The following NALF1 variants were observed in gnomAD, a reference collection of about 807,000 sequenced individuals.
The protein encoded by NALF1 is family with sequence similarity 155 member A.
In NALF1, 3 loss-of-function variants were observed where a neutral mutation model predicts 48.4. The observed-to-expected ratio is 0.06, with a 90% confidence interval of 0.03 to 0.16. NALF1 has a LOEUF of 0.16. Ranked by LOEUF, NALF1 falls within the 10% of genes least tolerant of loss-of-function variation. The pLI, the probability that NALF1 is intolerant of heterozygous loss-of-function variation, is 1.00. For missense variants in NALF1, 526 were observed against 571.5 expected (o/e 0.92, Z 0.81); for synonymous variants, 262 against 245.7 (o/e 1.07, Z -0.62).
chr13:107,278,319 C>T (rs12586090), intron 1 of NALF1, among the ~76,000 whole-genome samples: 6,957 of 152,240 alleles, frequency 0.046, 215 homozygotes, highest in South Asian at 0.064. Context: ...CCAAATTAGA[C>T]TTTTTAAAAA....
At chr13:107,478,891 T>C (rs2139058958) in intron 1 of NALF1, among the ~76,000 whole-genome samples, 1 of 152,230 alleles carries the variant, frequency 6.6e-6, no homozygotes, top group South Asian at 2.1e-4. Flanking sequence ...ATGTGGAATG[T>C]TTAGAAAGAA....
intron 1 of NALF1, among the ~76,000 whole-genome samples, chr13:107,628,361 A>G (rs917720840): frequency 1.3e-5 from 2 of 152,152 alleles, no homozygotes; most frequent in African/African-American, 2.4e-5. Flanking sequence ...AATGGACACT[A>G]TATATCCCAG....
At position 107,169,576 on chromosome 13, in the gene NALF1, A is replaced by G. The variant is rs1307985744; in HGVS notation, c.*921T>C. The G allele has an allele frequency of 2.0e-5, 3 of 152,246 alleles. No homozygotes were observed. The highest frequency in any genetic ancestry group is 4.4e-5 in the Non-Finnish European group (3 of 68,036). 9.4% of individuals were successfully genotyped at this position (152,246 alleles called of 1,614,324 possible). Reference sequence around the variant, plus strand: ...ATAGCTGCTCCTGTCCAACTGGACCAGCAAGAAAGGGCTGGGCCACTTGGG... The same window carrying G: ...ATAGCTGCTCCTGTCCAACTGGACCGGCAAGAAAGGGCTGGGCCACTTGGG... On this transcript the variant is annotated 3_prime_UTR_variant, in exon 3 of 3. Transcript: ENST00000375915.
At chr13:107,456,239 G>A (rs1566350009) in intron 1 of NALF1, among the ~76,000 whole-genome samples, 1 of 152,150 alleles carries the variant, frequency 6.6e-6, no homozygotes, top group Non-Finnish European at 1.5e-5. Flanking sequence ...TTAATTCAGA[G>A]CTAGAACACA....
chr13:107,675,289 C>G (rs1881086118), intron 1 of NALF1, among the ~76,000 whole-genome samples: 1 of 152,126 alleles, frequency 6.6e-6, no homozygotes, highest in African/African-American at 2.4e-5. Context: ...GGGCTATAGG[C>G]TCTGGGGCTG....
chr13:107,681,136 C>G (rs1881291218), intron 1 of NALF1, among the ~76,000 whole-genome samples: 2 of 152,078 alleles, frequency 1.3e-5, no homozygotes, highest in South Asian at 4.1e-4. Context: ...CCCTATGTTA[C>G]AGGGCAAAAT....
In NALF1 at chr13:107,836,583, A is replaced by C. The variant is rs114392969; in HGVS notation, c.915+29099T>G. Reference sequence around the variant, plus strand: ...AAAAAAATAAAATTTAATTAGGAAAATGGAAATATTTTGTAACACAAGGAA... The same window carrying C: ...AAAAAAATAAAATTTAATTAGGAAACTGGAAATATTTTGTAACACAAGGAA... On this transcript the variant is annotated intron_variant, in intron 1 of 2. Coordinates refer to ENST00000375915, the MANE Select transcript of NALF1 (RefSeq NM_001080396.3). 4.2e-3 allele frequency among the ~76,000 whole-genome samples: 641 copies of C among 152,266 alleles called. 5 individuals carry two copies. The highest frequency in any genetic ancestry group is 0.015 in the African/African-American group (612 of 41,560).
At chr13:107,818,263 C>G (rs1043074819) in intron 1 of NALF1, among the ~76,000 whole-genome samples, 30 of 152,146 alleles carry the variant, frequency 2.0e-4, no homozygotes, top group African/African-American at 7.0e-4. Context: ...TGCCCACCTG[C>G]TGCTCTTCCT....
chr13:107,601,196 C>G (rs1476985272), intron 1 of NALF1, among the ~76,000 whole-genome samples: 3 of 152,202 alleles, frequency 2.0e-5, no homozygotes, highest in Middle Eastern at 3.4e-3. Context: ...TTGAAGAAAC[C>G]CACAAGGAGT....
At chr13:107,810,267 T>C (rs1055411380) in intron 1 of NALF1, among the ~76,000 whole-genome samples, 1 of 152,138 alleles carries the variant, frequency 6.6e-6, no homozygotes, top group Non-Finnish European at 1.5e-5. Flanking sequence ...TAAACAGTCA[T>C]GTAATTGCCA....
intron 1 of NALF1, among the ~76,000 whole-genome samples, chr13:107,676,142 C>G (rs1034620294): frequency 3.9e-5 from 6 of 152,192 alleles, no homozygotes; most frequent in African/African-American, 1.4e-4. Context: ...CTACTTATTC[C>G]TTCCTTCCCT....
chr13:107,289,753 T>A (rs1211630262), intron 1 of NALF1, among the ~76,000 whole-genome samples: 3 of 152,190 alleles, frequency 2.0e-5, no homozygotes, highest in African/African-American at 7.2e-5. Flanking sequence ...ATTTCCTGGA[T>A]GAATTCATCA....
chr13:107,731,573 G>A (rs1006345621), intron 1 of NALF1, among the ~76,000 whole-genome samples: 66 of 151,990 alleles, frequency 4.3e-4, no homozygotes, highest in Non-Finnish European at 1.2e-4. Context: ...CCTCAAGTAG[G>A]TCCCACTGTG....
chr13:107,705,408 G>A (rs896977763), intron 1 of NALF1, among the ~76,000 whole-genome samples: 4 of 152,128 alleles, frequency 2.6e-5, no homozygotes, highest in Non-Finnish European at 4.4e-5. Context: ...GTGAGACAGC[G>A]TGCACACAGA....
intron 1 of NALF1, among the ~76,000 whole-genome samples, chr13:107,563,726 A>G (rs1877710970): frequency 6.6e-6 from 1 of 152,236 alleles, no homozygotes; most frequent in Non-Finnish European, 1.5e-5. Context: ...AGAAAACATT[A>G]CCATTCTGGT....
At position 107,507,594 on chromosome 13, in the gene NALF1, TAAAA is replaced by T. The variant is rs548709767; in HGVS notation, c.916-296843_916-296840del. Among the ~76,000 whole-genome samples, 156 of 86,406 alleles carry T rather than the reference TAAAA, an allele frequency of 1.8e-3. 1 individual carries two copies. Among genetic ancestry groups the T allele is most frequent in the African/African-American group, 7.9e-3 (141 of 17,884 alleles). The allele number at this position is 86,406 out of a possible 152,430, so 56.7% of individuals were successfully genotyped here. On this transcript the variant is annotated intron_variant, in intron 1 of 2. Coordinates refer to ENST00000375915, the MANE Select transcript of NALF1 (RefSeq NM_001080396.3). ...AGATGCCTAGATGTTTATTCTCCAT[TAAAA>T]AAAAAAAAAAAAAAAAAAAAAAAAG...
chr13:107,394,847 A>G (rs1241908801), intron 1 of NALF1, among the ~76,000 whole-genome samples: 3 of 152,266 alleles, frequency 2.0e-5, no homozygotes, highest in African/African-American at 7.2e-5. Context: ...GAGAAAAAAC[A>G]AAAACAAGGA....
rs1286480329 is a variant in NALF1 at position 107,819,181 on chromosome 13, T to G, written c.915+46501A>C. 2.3e-5 allele frequency among the ~76,000 whole-genome samples: 3 copies of G among 130,098 alleles called. No homozygotes were observed. In the East Asian group the frequency reaches 7.8e-4, roughly 34 times the overall value. The allele number at this position is 130,098 out of a possible 152,430, so 85.3% of individuals were successfully genotyped here. A position where few individuals can be genotyped will look rare whatever the true frequency, so the allele number is the denominator to read the frequency against. On this transcript the variant is annotated intron_variant, in intron 1 of 2. Transcript: ENST00000375915. Reference sequence around the variant, plus strand: ...AGATAGTAGGCTCTGAATAAATATCTACCAAATAAATAAATGATTTGTAAT... The same window carrying G: ...AGATAGTAGGCTCTGAATAAATATCGACCAAATAAATAAATGATTTGTAAT...
chr13:107,821,432 A>C (rs1170004747), intron 1 of NALF1, among the ~76,000 whole-genome samples: 1 of 152,202 alleles, frequency 6.6e-6, no homozygotes, highest in Non-Finnish European at 1.5e-5. Context: ...GAGGGCTCTA[A>C]GGCCATGTCG....
Sources: gnomAD v4.1 joint callset for allele counts (sites outside exome capture counted in the v4.1 genomes callset) on GRCh38, gnomAD v4.1.1 for gene constraint, MANE v1.5 for transcripts, NCBI Gene and HGNC (gene_info 2026-07-23, HGNC 2026-07-21) for gene names.